The following CD55 variants were observed in gnomAD, a reference collection of about 807,000 sequenced individuals.
CD55 encodes the protein complement decay-accelerating factor.
Under a neutral mutation model 45.8 loss-of-function variants are expected in CD55, and 41 were observed. The observed-to-expected ratio is 0.90, with a 90% CI of 0.70 to 1.16. The LOEUF (loss-of-function observed/expected upper bound fraction) is 1.16. Among genes scored for constraint, CD55 ranks in the 50% most tolerant of loss-of-function variants. The pLI, the probability that CD55 is intolerant of heterozygous loss-of-function variation, is 0.00. For synonymous variants in CD55, 181 were observed against 181.1 expected (o/e 1.00, Z 0.01); for missense variants, 416 against 469.8 (o/e 0.89, Z 1.06).
chr1:207,347,904 A>G (rs1655714091), intron 9 of CD55, among the ~76,000 whole-genome samples: 1 of 152,186 alleles, frequency 6.6e-6, no homozygotes, highest in Non-Finnish European at 1.5e-5. Flanking sequence ...ACTGCAAAGG[A>G]CATGATTTCA....
At chr1:207,326,269 ATAAT>A (rs1486561536) in intron 4 of CD55, among the ~76,000 whole-genome samples, 1 of 152,220 alleles carries the variant, frequency 6.6e-6, no homozygotes, top group African/African-American at 2.4e-5. Context: ...TGTAAATTAA[ATAAT>A]TCTATTTTAC....
chr1:207,331,912 C>T (rs1654964312), intron 6 of CD55, among the ~76,000 whole-genome samples: 1 of 152,032 alleles, frequency 6.6e-6, no homozygotes, highest in African/African-American at 2.4e-5. Flanking sequence ...TAAACATTGC[C>T]TAGTATCAAT....
At chr1:207,336,921 C>A in intron 7 of CD55, 103 bp downstream of exon 7, 1 of 1,341,632 alleles carries the variant, frequency 7.5e-7, no homozygotes, top group Non-Finnish European at 1.1e-6. Flanking sequence ...AATGTCCCAG[C>A]TACAATAGTC....
At position 207,325,905 on chromosome 1, in the gene CD55, G is replaced by A. The variant is rs1411942212; in HGVS notation, c.578+184G>A. Among the ~76,000 whole-genome samples the A allele has an allele frequency of 3.3e-5, 5 of 152,150 alleles. No homozygotes were observed. In the South Asian group the frequency reaches 1.0e-3, roughly 32 times the overall value. On this transcript the variant is annotated intron_variant, in intron 4 of 9. Transcript: ENST00000367064. Reference sequence around the variant, plus strand: ...ATTTAGTAAAATGGGGGCAAGAAAGGAAGATTTCTTAAACCACCAGAATTC... The same window carrying A: ...ATTTAGTAAAATGGGGGCAAGAAAGAAAGATTTCTTAAACCACCAGAATTC...
intron 2 of CD55, among the ~76,000 whole-genome samples, chr1:207,323,892 A>G (rs1260642680): frequency 2.0e-5 from 3 of 152,150 alleles, no homozygotes; most frequent in African/African-American, 7.2e-5. Flanking sequence ...TAGTTTAATA[A>G]CTTCCTCAAG....
chr1:207,337,603 A>G (rs770850977), intron 8 of CD55, 194 bp downstream of exon 8: 9 of 426,166 alleles, frequency 2.1e-5, no homozygotes, highest in Non-Finnish European at 3.3e-5. Context: ...AGAAACATTT[A>G]CAATAATAGA....
intron 1 of CD55, 21 bp downstream of exon 1, chr1:207,321,886 C>T: frequency 1.3e-6 from 2 of 1,492,172 alleles, no homozygotes; most frequent in East Asian, 2.5e-5. Context: ...GCCCGGCGGC[C>T]GGGGAAGCCC....
chr1:207,338,064 A>G (rs1477995526), intron 8 of CD55, among the ~76,000 whole-genome samples: 1 of 152,204 alleles, frequency 6.6e-6, no homozygotes, highest in Non-Finnish European at 1.5e-5. Flanking sequence ...GATATTTTTA[A>G]GAATTTAAAC....
chr1:207,354,448 C>T (rs1404318782), intron 9 of CD55, among the ~76,000 whole-genome samples: 2 of 152,146 alleles, frequency 1.3e-5, no homozygotes, highest in Non-Finnish European at 1.5e-5. Flanking sequence ...GCAATGTTTT[C>T]AACACTGCAA....
At chr1:207,337,856 A>G (rs982020189) in intron 8 of CD55, among the ~76,000 whole-genome samples, 2 of 152,110 alleles carry the variant, frequency 1.3e-5, no homozygotes, top group South Asian at 4.1e-4. Flanking sequence ...AAGCATCTCA[A>G]TAGTGTCGTC....
chr1:207,342,589 T>A (rs938148985), intron 9 of CD55, among the ~76,000 whole-genome samples: 4 of 152,170 alleles, frequency 2.6e-5, no homozygotes, highest in African/African-American at 9.7e-5. Context: ...GGTGTTGGAT[T>A]TGGTTTGCTA....
At chr1:207,349,017 T>A (rs1237617750) in intron 9 of CD55, among the ~76,000 whole-genome samples, 1 of 152,194 alleles carries the variant, frequency 6.6e-6, no homozygotes, top group Non-Finnish European at 1.5e-5. Flanking sequence ...AGCTTTGTTC[T>A]TTTTACTTAC....
intron 5 of CD55, among the ~76,000 whole-genome samples, chr1:207,330,779 A>T (rs1228477888): frequency 6.6e-6 from 1 of 152,172 alleles, no homozygotes; most frequent in African/African-American, 2.4e-5. Context: ...TCATCTCTAA[A>T]ATCCTGCAGC....
intron 2 of CD55, among the ~76,000 whole-genome samples, chr1:207,323,433 G>C (rs1654523600): frequency 6.6e-6 from 1 of 152,006 alleles, no homozygotes; most frequent in Admixed American, 6.6e-5. Context: ...ATACCTAGTA[G>C]AATTAAAAGA....
chr1:207,321,925 C>T, intron 1 of CD55, 60 bp downstream of exon 1: 1 of 1,236,128 alleles, frequency 8.1e-7, no homozygotes, highest in Non-Finnish European at 1.1e-6. Flanking sequence ...CCAAGTCGGT[C>T]TCTGAGACAC....
At chr1:207,349,608 G>C (rs937072283) in intron 9 of CD55, among the ~76,000 whole-genome samples, 10 of 152,156 alleles carry the variant, frequency 6.6e-5, no homozygotes, top group African/African-American at 2.4e-4. Flanking sequence ...TCCCTGGTTA[G>C]CTGTATTCAT....
chr1:207,349,237 C>T (rs975365404), intron 9 of CD55, among the ~76,000 whole-genome samples: 8 of 149,302 alleles, frequency 5.4e-5, no homozygotes, highest in Non-Finnish European at 8.9e-5. Flanking sequence ...GGCTGGAGTG[C>T]AGTGGCATGA....
chr1:207,344,428 AT>A (rs1254571779), intron 9 of CD55, among the ~76,000 whole-genome samples: 2 of 152,176 alleles, frequency 1.3e-5, no homozygotes, highest in African/African-American at 4.8e-5. Context: ...GAATTCCATC[AT>A]GGTGATTAAT....
At chr1:207,338,460 A>C (rs973365473) in intron 8 of CD55, among the ~76,000 whole-genome samples, 1 of 152,178 alleles carries the variant, frequency 6.6e-6, no homozygotes, top group Non-Finnish European at 1.5e-5. Context: ...ATCACTTATA[A>C]ATTTGTTATA....
Sources: gnomAD v4.1 joint callset for allele counts (sites outside exome capture counted in the v4.1 genomes callset) on GRCh38, gnomAD v4.1.1 for gene constraint, MANE v1.5 for transcripts, NCBI Gene and HGNC (gene_info 2026-07-23, HGNC 2026-07-21) for gene names.